Variants in CSMD1 observed in about 807,000 individuals in gnomAD.
The protein encoded by CSMD1 is CUB and Sushi multiple domains 1, also known as CUB and sushi domain-containing protein 1.
In CSMD1, 213 loss-of-function variants were observed where a neutral mutation model predicts 417.5. The ratio of observed to expected loss-of-function variants is 0.51; its 90% CI spans 0.46 to 0.57. The LOEUF (loss-of-function observed/expected upper bound fraction) is 0.57, where lower values mean the gene tolerates loss of function less well. CSMD1 is among the 20% of genes least tolerant of loss of function. The pLI, the probability that CSMD1 is intolerant of heterozygous loss-of-function variation, is 0.00. For missense variants in CSMD1, 6,923 were observed against 4,529.7 expected (o/e 1.53, Z -15.17); for synonymous variants, 2,862 against 1,736.8 (o/e 1.65, Z -16.11).
chr8:4,056,286 T>C (rs1289338107), intron 3 of CSMD1, among the ~76,000 whole-genome samples: 1 of 151,872 alleles, frequency 6.6e-6, no homozygotes, highest in Non-Finnish European at 1.5e-5. Flanking sequence ...TTTCACCATG[T>C]TGGCCTGGCT....
chr8:4,118,587 A>T (rs1400435200), intron 3 of CSMD1, among the ~76,000 whole-genome samples: 1 of 152,140 alleles, frequency 6.6e-6, no homozygotes, highest in Non-Finnish European at 1.5e-5. Context: ...AAAGTAAGGA[A>T]ACAATAGATG....
At chr8:4,898,374 A>ATTT (rs112699140) in intron 1 of CSMD1, among the ~76,000 whole-genome samples, 3 of 151,996 alleles carry the variant, frequency 2.0e-5, no homozygotes, top group African/African-American at 7.3e-5. Context: ...CACACCTGCC[A>ATTT]TTTTTTTGCA....
chr8:4,114,062 A>AT (rs1222898224), intron 3 of CSMD1, among the ~76,000 whole-genome samples: 1 of 152,198 alleles, frequency 6.6e-6, no homozygotes, highest in Non-Finnish European at 1.5e-5. Context: ...TAAACAACAG[A>AT]TTTTCCATGT....
chr8:3,321,115 C>A lies in CSMD1; in HGVS notation c.3632-12612G>T, dbSNP rs111922438. Among the ~76,000 whole-genome samples the A allele has an allele frequency of 1.9e-4, 29 of 152,224 alleles. 1 individual carries two copies. The South Asian group carries it at 5.8e-3, about 30-fold the overall frequency. On this transcript the variant is annotated intron_variant, in intron 23 of 69. Coordinates refer to ENST00000635120, the MANE Select transcript of CSMD1 (RefSeq NM_033225.6). ...CCACTGCTCCTGTCAACCTAGCCAC[C>A]GAAGGCGTGCAAAGCCCCCTGCACC... is the stretch of plus-strand genomic sequence containing the variant.
At chr8:4,162,702 G>A (rs1035197324) in intron 3 of CSMD1, among the ~76,000 whole-genome samples, 2 of 152,014 alleles carry the variant, frequency 1.3e-5, no homozygotes, top group Non-Finnish European at 2.9e-5. Flanking sequence ...AACATCCCAC[G>A]CCAGAGTGGT....
At chr8:4,831,594 T>C (rs963612154) in intron 1 of CSMD1, among the ~76,000 whole-genome samples, 3 of 152,116 alleles carry the variant, frequency 2.0e-5, no homozygotes, top group Non-Finnish European at 1.5e-5. Flanking sequence ...CCAAGGTTTG[T>C]TGACTCCACA....
chr8:4,684,070 A>G (rs961560246), intron 1 of CSMD1, among the ~76,000 whole-genome samples: 1 of 152,226 alleles, frequency 6.6e-6, no homozygotes, highest in Non-Finnish European at 1.5e-5. Context: ...TTAGAAGAAC[A>G]TTTAAAAATC....
intron 6 of CSMD1, among the ~76,000 whole-genome samples, chr8:3,709,275 C>A (rs1051406385): frequency 2.0e-5 from 3 of 151,576 alleles, no homozygotes; most frequent in African/African-American, 7.3e-5. Context: ...CCAGTGGAAA[C>A]ATTTCTGAGG....
intron 5 of CSMD1, among the ~76,000 whole-genome samples, chr8:3,876,898 G>T (rs1256873760): frequency 6.6e-6 from 1 of 152,188 alleles, no homozygotes; most frequent in African/African-American, 2.4e-5. Context: ...TTACAGGCAT[G>T]ATCCACTCTG....
intron 3 of CSMD1, among the ~76,000 whole-genome samples, chr8:4,132,315 C>G (rs1803159645): frequency 6.6e-6 from 1 of 150,848 alleles, no homozygotes; most frequent in Admixed American, 6.6e-5. Flanking sequence ...TCAGACTGAG[C>G]AAGACACAAA....
chr8:4,407,317 G>T (rs1563141064), intron 3 of CSMD1, among the ~76,000 whole-genome samples: 1 of 152,156 alleles, frequency 6.6e-6, no homozygotes, highest in South Asian at 2.1e-4. Context: ...AATATATAAG[G>T]GATGAAATGA....
chr8:4,395,976 A>T (rs554314572), intron 3 of CSMD1, among the ~76,000 whole-genome samples: 1 of 152,190 alleles, frequency 6.6e-6, no homozygotes, highest in Non-Finnish European at 1.5e-5. Context: ...AGATAAATAT[A>T]TTCTGTTACT....
intron 12 of CSMD1, among the ~76,000 whole-genome samples, chr8:3,442,493 C>G (rs560030063): frequency 6.6e-6 from 1 of 152,124 alleles, no homozygotes; most frequent in African/African-American, 2.4e-5. Flanking sequence ...TACATATGTT[C>G]GATACACAAA....
intron 3 of CSMD1, among the ~76,000 whole-genome samples, chr8:4,167,976 A>T (rs920789684): frequency 1.3e-5 from 2 of 151,974 alleles, no homozygotes; most frequent in African/African-American, 4.8e-5. Flanking sequence ...AAAAATACAA[A>T]AAATTAGCCA....
rs1563196190 is a variant in CSMD1 at position 4,456,997 on chromosome 8, A to AAC, written c.303-36933_303-36932insGT. Reference sequence around the variant, plus strand: ...TGTGGTTTTTTTTTAAAAAAAAAAAAAACAACAAGAAAAGAAAATCAATGT... The same window carrying AAC: ...TGTGGTTTTTTTTTAAAAAAAAAAAAACAACAACAAGAAAAGAAAATCAATGT... On this transcript the variant is annotated intron_variant, in intron 2 of 69. Transcript: ENST00000635120. 1.6e-3 allele frequency among the ~76,000 whole-genome samples: 242 copies of AAC among 151,612 alleles called. 1 individual carries two copies. The highest frequency in any genetic ancestry group is 5.5e-3 in the African/African-American group (226 of 41,384).
chr8:4,706,040 A>G (rs1225685975), intron 1 of CSMD1, among the ~76,000 whole-genome samples: 1 of 135,924 alleles, frequency 7.4e-6, no homozygotes, highest in African/African-American at 2.5e-5. Context: ...TATTTAAAAT[A>G]TGTAATTTTT....
In CSMD1 at chr8:4,184,158, A is replaced by C. The variant is rs538334503; in HGVS notation, c.416-152059T>G. Among the ~76,000 whole-genome samples the C allele has an allele frequency of 3.0e-4, 46 of 152,358 alleles. 1 individual carries two copies. Among genetic ancestry groups the C allele is most frequent in the African/African-American group, 9.1e-4 (38 of 41,582 alleles). On this transcript the variant is annotated intron_variant, in intron 3 of 69. Transcript: ENST00000635120. Reference sequence around the variant, plus strand: ...AAAATATATAAATGCATAACTATGAAAGAAAAAGCAATGGAAATGTTATAT... The same window carrying C: ...AAAATATATAAATGCATAACTATGACAGAAAAAGCAATGGAAATGTTATAT...
At chr8:3,469,800 G>C (rs1816982434) in intron 11 of CSMD1, among the ~76,000 whole-genome samples, 1 of 152,162 alleles carries the variant, frequency 6.6e-6, no homozygotes, top group Non-Finnish European at 1.5e-5. Context: ...CATTATATGT[G>C]AAGTAACTCA....
chr8:3,536,954 G>GTAGAGTCAGTGTTA (rs1266544257), intron 10 of CSMD1, among the ~76,000 whole-genome samples: 2 of 152,138 alleles, frequency 1.3e-5, no homozygotes, highest in African/African-American at 4.8e-5. Context: ...TTTACTGGGA[G>GTAGAGTCAGTGTTA]CTTTCACATG....
Sources: gnomAD v4.1 joint callset for allele counts (sites outside exome capture counted in the v4.1 genomes callset) on GRCh38, gnomAD v4.1.1 for gene constraint, MANE v1.5 for transcripts, NCBI Gene and HGNC (gene_info 2026-07-23, HGNC 2026-07-21) for gene names.